The following PDIA5 variants were observed in gnomAD, a reference collection of about 807,000 sequenced individuals.
PDIA5 encodes protein disulfide isomerase family A member 5.
PDIA5 carries 58 observed loss-of-function variants against 77.6 expected under a neutral mutation model. That is an observed-to-expected ratio of 0.75 (90% CI 0.61 to 0.93). The LOEUF is 0.93. PDIA5 is among the 40% of genes least tolerant of loss of function. The pLI is 0.00. For synonymous variants in PDIA5, 250 were observed against 252.1 expected (o/e 0.99, Z 0.08); for missense variants, 630 against 647.7 (o/e 0.97, Z 0.30).
chr3:123,158,534 A>T (rs1936073191), intron 15 of PDIA5, among the ~76,000 whole-genome samples: 1 of 152,212 alleles, frequency 6.6e-6, no homozygotes, highest in Admixed American at 6.5e-5. Flanking sequence ...TGAGTCACCA[A>T]GGCTCAGTCC....
At chr3:123,147,349 G>A (rs1482520716) in intron 13 of PDIA5, among the ~76,000 whole-genome samples, 2 of 152,116 alleles carry the variant, frequency 1.3e-5, no homozygotes, top group Non-Finnish European at 2.9e-5. Context: ...TTTATCTCTA[G>A]ATATAGTCAC....
At chr3:123,135,291 AG>A in intron 11 of PDIA5, among the ~76,000 whole-genome samples, 1 of 152,162 alleles carries the variant, frequency 6.6e-6, no homozygotes, top group Admixed American at 6.5e-5. Context: ...CAGGGGAGCA[AG>A]GGGGGCATCC....
At chr3:123,126,141 A>T (rs1184543527) in intron 10 of PDIA5, among the ~76,000 whole-genome samples, 1 of 152,120 alleles carries the variant, frequency 6.6e-6, no homozygotes, top group African/African-American at 2.4e-5. Flanking sequence ...CTAACCCTAG[A>T]CAAAGGGAGC....
At chr3:123,131,665 A>G (rs966760312) in intron 11 of PDIA5, among the ~76,000 whole-genome samples, 6 of 150,060 alleles carry the variant, frequency 4.0e-5, no homozygotes, top group African/African-American at 2.5e-5. Context: ...ACAGTGAATC[A>G]AGGAAGTAAA....
chr3:123,103,159 C>A (rs1033051039), intron 5 of PDIA5, among the ~76,000 whole-genome samples: 3 of 152,198 alleles, frequency 2.0e-5, no homozygotes, highest in Admixed American at 1.3e-4. Flanking sequence ...CAGGTTAGCA[C>A]AGGGTATTGC....
intron 6 of PDIA5, among the ~76,000 whole-genome samples, chr3:123,108,787 G>T (rs1242660136): frequency 6.6e-6 from 1 of 151,990 alleles, no homozygotes; most frequent in African/African-American, 2.4e-5. Flanking sequence ...TCGGGAGACT[G>T]AGGCAGGAGA....
At chr3:123,132,251 G>C (rs1318301837) in intron 11 of PDIA5, among the ~76,000 whole-genome samples, 1 of 152,144 alleles carries the variant, frequency 6.6e-6, no homozygotes, top group Non-Finnish European at 1.5e-5. Flanking sequence ...GTCAGAGCCT[G>C]AGCCCCAGTC....
intron 14 of PDIA5, among the ~76,000 whole-genome samples, chr3:123,153,867 G>A (rs77877895): frequency 1.7e-4 from 26 of 152,344 alleles, no homozygotes; most frequent in African/African-American, 5.1e-4. Flanking sequence ...GAGCAAAGCC[G>A]TTTCTGTTCC....
intron 15 of PDIA5, among the ~76,000 whole-genome samples, chr3:123,156,712 G>C (rs1355905378): frequency 6.6e-6 from 1 of 152,192 alleles, no homozygotes; most frequent in Non-Finnish European, 1.5e-5. Flanking sequence ...GGGTCCTGAG[G>C]CATGACTGGC....
At chr3:123,137,531 T>G (rs1179405318) in intron 11 of PDIA5, among the ~76,000 whole-genome samples, 1 of 152,214 alleles carries the variant, frequency 6.6e-6, no homozygotes, top group Admixed American at 6.5e-5. Context: ...GTAATAGCTA[T>G]TATATTTATT....
intron 10 of PDIA5, among the ~76,000 whole-genome samples, chr3:123,128,811 C>G (rs1239938658): frequency 6.6e-6 from 1 of 152,236 alleles, no homozygotes; most frequent in Non-Finnish European, 1.5e-5. Context: ...CTCCTATACC[C>G]TAGAATTTAC....
chr3:123,079,416 G>T (rs1231821594), intron 1 of PDIA5, among the ~76,000 whole-genome samples: 2 of 152,010 alleles, frequency 1.3e-5, no homozygotes, highest in African/African-American at 4.8e-5. Context: ...TCCTGACCTC[G>T]TGATCCGCCC....
At chr3:123,113,019 G>A (rs896648044) in intron 7 of PDIA5, among the ~76,000 whole-genome samples, 15 of 152,128 alleles carry the variant, frequency 9.9e-5, no homozygotes, top group Non-Finnish European at 1.8e-4. Flanking sequence ...TTTAACCCTC[G>A]CTCCTTCTCT....
chr3:123,068,792 A>G (rs1312832302), intron 1 of PDIA5, among the ~76,000 whole-genome samples: 1 of 152,256 alleles, frequency 6.6e-6, no homozygotes, highest in Non-Finnish European at 1.5e-5. Flanking sequence ...TGGATTGGGC[A>G]AAGGAGTCAG....
At chr3:123,118,733 C>T (rs1227065341) in intron 8 of PDIA5, among the ~76,000 whole-genome samples, 2 of 152,202 alleles carry the variant, frequency 1.3e-5, no homozygotes, top group Admixed American at 1.3e-4. Flanking sequence ...TAGCACATAG[C>T]ACAGGGCTAA....
In PDIA5 at chr3:123,102,453, C is replaced by T. The variant is rs770288720; in HGVS notation, c.300C>T (p.Asp100=). ...AATTGTGCAAGAAGATGAAAGTTGA[C>T]CTGAGCCCGAAGGACAAAAAGGTTG... is the stretch of plus-strand genomic sequence containing the variant. ...SRKLCKKMKV[D]LSPKDKKVEL... is the part of the protein sequence containing the mutation. The change falls in exon 4 of 17, where the codon GAC becomes GAT. Residue 100 remains aspartate, a synonymous_variant. Coordinates refer to ENST00000316218, the MANE Select transcript of PDIA5 (RefSeq NM_006810.4). 5.6e-6 allele frequency: 9 copies of T among 1,613,948 alleles called. No individual in the cohort carries two copies. In the East Asian group the frequency reaches 1.6e-4, roughly 28 times the overall value.
intron 11 of PDIA5, among the ~76,000 whole-genome samples, chr3:123,141,684 A>T (rs1180770955): frequency 6.6e-6 from 1 of 152,186 alleles, no homozygotes; most frequent in Admixed American, 6.5e-5. Flanking sequence ...TCCCTTTAAG[A>T]GCTGTAGAAC....
intron 7 of PDIA5, among the ~76,000 whole-genome samples, chr3:123,113,449 A>G (rs1006901849): frequency 1.3e-5 from 2 of 152,210 alleles, no homozygotes; most frequent in Non-Finnish European, 2.9e-5. Flanking sequence ...GGCAGGGGAA[A>G]TTAGGTACCT....
chr3:123,094,209 C>T (rs987574107), intron 3 of PDIA5, among the ~76,000 whole-genome samples: 19 of 152,146 alleles, frequency 1.2e-4, no homozygotes, highest in African/African-American at 4.3e-4. Flanking sequence ...GTAGTTGCCT[C>T]GCTGTGTTGA....
Sources: gnomAD v4.1 joint callset for allele counts (sites outside exome capture counted in the v4.1 genomes callset) on GRCh38, gnomAD v4.1.1 for gene constraint, MANE v1.5 for transcripts, NCBI Gene and HGNC (gene_info 2026-07-23, HGNC 2026-07-21) for gene names.